The following ASB9 variants were observed in gnomAD, a reference collection of about 807,000 sequenced individuals.
ASB9 encodes the protein ankyrin repeat and SOCS box containing 9.
ASB9 carries 5 observed loss-of-function variants against 16.6 expected under a neutral mutation model. The ratio of observed to expected loss-of-function variants is 0.30; its 90% CI spans 0.16 to 0.63. The LOEUF (loss-of-function observed/expected upper bound fraction) is 0.63. Among genes scored for constraint, ASB9 ranks in the 30% least tolerant of loss-of-function variants. The probability of loss-of-function intolerance (pLI) is 0.82; values close to 1 mark genes in which losing one functional copy is unlikely to be tolerated. For synonymous variants in ASB9, 100 were observed against 86.4 expected, an observed-to-expected ratio of 1.16 and a Z score of -0.87; for missense variants, 216 against 229.4, an observed-to-expected ratio of 0.94 and a Z score of 0.38.
At chrX:15,255,091 C>T (rs1374998003) in intron 2 of ASB9, among the ~76,000 whole-genome samples, 1 of 111,499 alleles carries the variant, frequency 9.0e-6, no homozygotes, top group Non-Finnish European at 1.9e-5. Flanking sequence ...ATGCCTATGA[C>T]TCAGCAATTT....
intron 1 of ASB9, among the ~76,000 whole-genome samples, chrX:15,260,733 AAGG>A (rs1925908712): frequency 8.9e-6 from 1 of 112,031 alleles, no homozygotes; most frequent in Non-Finnish European, 1.9e-5. Flanking sequence ...AGACCTGGAG[AAGG>A]AGGATACTTA....
intron 1 of ASB9, among the ~76,000 whole-genome samples, chrX:15,260,950 T>A (rs974133380): frequency 8.9e-6 from 1 of 111,933 alleles, no homozygotes; most frequent in African/African-American, 3.2e-5. Flanking sequence ...GGAAGACAAA[T>A]GAGCCCATCT....
Position 15,244,262 on chromosome X carries a change from A to T in ASB9, c.*244T>A, listed in dbSNP as rs1924474918. 2 of 323,928 alleles carry T rather than the reference A, an allele frequency of 6.2e-6. No homozygotes were observed. Among genetic ancestry groups the T allele is most frequent in the South Asian group, 5.2e-5 (1 of 19,168 alleles). 26.7% of individuals were successfully genotyped at this position (323,928 alleles called of 1,213,427 possible). The stretch of plus-strand genomic sequence containing the variant: ...ATGACACTCTCCATGCAGGGAAAAA[A>T]GTCTTCATGCCTTCTAACTAATAAT... On this transcript the variant is annotated 3_prime_UTR_variant, in exon 7 of 7. Transcript: ENST00000380488.
chrX:15,256,805 A>AAAC (rs1925606895), intron 2 of ASB9, among the ~76,000 whole-genome samples: 7 of 108,178 alleles, frequency 6.5e-5, no homozygotes, highest in African/African-American at 2.0e-4. Flanking sequence ...GAAAGAAAAA[A>AAAC]ATGTGCCAAC....
intron 1 of ASB9, among the ~76,000 whole-genome samples, chrX:15,267,415 A>AT (rs1303441346): frequency 4.1e-5 from 2 of 48,303 alleles, no homozygotes; most frequent in African/African-American, 7.2e-5. Context: ...ATCTAAAAAA[A>AT]AAATATATAT....
At chrX:15,250,330 T>C in intron 5 of ASB9, 100 bp downstream of exon 5, 1 of 965,652 alleles carries the variant, frequency 1.0e-6, no homozygotes. Context: ...TCCAACTCCA[T>C]TGCCCACACT....
chrX:15,260,803 G>T (rs1428105875), intron 1 of ASB9, among the ~76,000 whole-genome samples: 1 of 112,328 alleles, frequency 8.9e-6, no homozygotes, highest in Admixed American at 9.4e-5. Context: ...TTTAACACAT[G>T]TTGGCTTAAC....
intron 1 of ASB9, among the ~76,000 whole-genome samples, chrX:15,268,819 GA>G (rs201203853): frequency 3.9e-5 from 4 of 102,816 alleles, no homozygotes; most frequent in Non-Finnish European, 5.9e-5. Context: ...GTCTCAAAAA[GA>G]AAAAAAAATT....
At chrX:15,267,619 T>C (rs1254995271) in intron 1 of ASB9, among the ~76,000 whole-genome samples, 2 of 95,539 alleles carry the variant, frequency 2.1e-5, no homozygotes, top group East Asian at 6.6e-4. Context: ...GGCGGACGCC[T>C]GTAATCCCAG....
chrX:15,248,565 G>A, intron 6 of ASB9, 179 bp downstream of exon 6: 3 of 790,334 alleles, frequency 3.8e-6, no homozygotes, highest in Non-Finnish European at 5.1e-6. Flanking sequence ...GTTATTTACT[G>A]TACTGTGACC....
chrX:15,261,042 C>T (rs1175144845), intron 1 of ASB9, among the ~76,000 whole-genome samples: 5 of 111,688 alleles, frequency 4.5e-5, no homozygotes, highest in Admixed American at 2.9e-4. Flanking sequence ...AATGGCTTTT[C>T]GTACCGTCAA....
chrX:15,258,501 C>T (rs376336607), intron 2 of ASB9, among the ~76,000 whole-genome samples: 4 of 111,763 alleles, frequency 3.6e-5, no homozygotes, highest in African/African-American at 1.3e-4. Flanking sequence ...TATAGGAGGA[C>T]TTCTTACTCT....
rs1368664273 is a variant in ASB9 at position 15,248,792 on chromosome X, G to T, written c.712C>A (p.Leu238Met). 1 of 1,211,576 alleles carries T rather than the reference G, an allele frequency of 8.3e-7. No homozygotes were observed. The highest frequency in any genetic ancestry group is 1.1e-6 in the Non-Finnish European group (1 of 895,358). The stretch of plus-strand genomic sequence containing the variant: ...GCCAAGGGGCTCTCTGGAGGCACCA[G>T]CTCCACAGGACGTTTGCCTTCAGCA... ...KNAEGKRPVE[L>M]VPPESPLAQL... Residue 238 changes from leucine to methionine, a missense_variant, in exon 6 of 7, where the codon CTG becomes ATG. Coordinates refer to ENST00000380488, the MANE Select transcript of ASB9 (RefSeq NM_001031739.3).
At chrX:15,262,912 AT>A (rs776572666) in intron 1 of ASB9, among the ~76,000 whole-genome samples, 17 of 112,534 alleles carry the variant, frequency 1.5e-4, no homozygotes, top group Non-Finnish European at 3.0e-4. Context: ...GATTATAGGC[AT>A]GAGCCACTGC....
intron 1 of ASB9, among the ~76,000 whole-genome samples, chrX:15,262,976 A>ATG (rs1176438954): frequency 8.9e-6 from 1 of 112,243 alleles, no homozygotes; most frequent in Non-Finnish European, 1.9e-5. Context: ...GATTGTGTGT[A>ATG]TGTGTGTGTG....
intron 6 of ASB9, among the ~76,000 whole-genome samples, chrX:15,245,093 G>A (rs1924549096): frequency 8.9e-6 from 1 of 111,887 alleles, no homozygotes; most frequent in South Asian, 3.7e-4. Context: ...ATGTGAAGTC[G>A]TGTTTGTTTT....
At chrX:15,251,263 G>T (rs775956997) in intron 4 of ASB9, among the ~76,000 whole-genome samples, 1 of 111,791 alleles carries the variant, frequency 8.9e-6, no homozygotes, top group South Asian at 3.7e-4. Flanking sequence ...CACAGTGTGG[G>T]CCACGGGACA....
In ASB9 at chrX:15,269,981, C is replaced by T; in HGVS notation, c.-107G>A. ...TGAAAAATTCCAGTTCTGTGGCTGGCTGAGCTGCACACGTTCTGGTCAAAT... is the reference window on the plus strand; with the variant it reads ...TGAAAAATTCCAGTTCTGTGGCTGGTTGAGCTGCACACGTTCTGGTCAAAT... On this transcript the variant is annotated 5_prime_UTR_variant, in exon 1 of 7. Coordinates refer to ENST00000380488, the MANE Select transcript of ASB9 (RefSeq NM_001031739.3). The T allele has an allele frequency of 6.8e-6, 4 of 586,045 alleles. No individual in the cohort carries two copies. Among genetic ancestry groups the T allele is most frequent in the Admixed American group, 3.4e-5 (1 of 29,137 alleles). The allele number at this position is 586,045 out of a possible 1,213,427, so 48.3% of individuals were successfully genotyped here.
chrX:15,250,236 CCTT>C (rs1481647390), intron 5 of ASB9, among the ~76,000 whole-genome samples, 191 bp downstream of exon 5: 3 of 110,958 alleles, frequency 2.7e-5, no homozygotes, highest in Non-Finnish European at 5.7e-5. Flanking sequence ...TCCTCCTCAT[CCTT>C]GTTACAAATG....
Sources: gnomAD v4.1 joint callset for allele counts (sites outside exome capture counted in the v4.1 genomes callset) on GRCh38, gnomAD v4.1.1 for gene constraint, MANE v1.5 for transcripts, NCBI Gene and HGNC (gene_info 2026-07-23, HGNC 2026-07-21) for gene names.